The following C6orf163 variants were observed in gnomAD, a reference collection of about 807,000 sequenced individuals.
The protein encoded by C6orf163 is chromosome 6 open reading frame 163, also known as uncharacterized protein C6orf163.
In C6orf163, 22 loss-of-function variants were observed where a neutral mutation model predicts 28.4. The observed-to-expected ratio is 0.78, with a 90% confidence interval of 0.55 to 1.11. The LOEUF (loss-of-function observed/expected upper bound fraction) is 1.11, where lower values mean the gene tolerates loss of function less well. Among genes scored for constraint, C6orf163 ranks in the 50% least tolerant of loss-of-function variants. The pLI is 0.00. For missense variants in C6orf163, 342 were observed against 389.1 expected, an observed-to-expected ratio of 0.88 and a Z score of 1.02; for synonymous variants, 110 against 123.6, an observed-to-expected ratio of 0.89 and a Z score of 0.73.
intron 1 of C6orf163, among the ~76,000 whole-genome samples, chr6:87,346,566 TAAAAAA>T (rs949540475): frequency 1.8e-4 from 27 of 152,198 alleles, no homozygotes; most frequent in African/African-American, 5.8e-4. Flanking sequence ...TGTTTTAAGT[TAAAAAA>T]GAAAGAAAGT....
At chr6:87,360,225 A>C (rs934978743) in intron 4 of C6orf163, among the ~76,000 whole-genome samples, 2 of 152,112 alleles carry the variant, frequency 1.3e-5, no homozygotes, top group Admixed American at 1.3e-4. Flanking sequence ...ACTAATACCT[A>C]GTTCTTTCAC....
chr6:87,344,910 A>G lies in C6orf163; in HGVS notation c.-190A>G, dbSNP rs902237665. 6.5e-5 allele frequency: 29 copies of G among 447,740 alleles called. No individual in the cohort carries two copies. The highest frequency in any genetic ancestry group is 5.5e-4 in the African/African-American group (27 of 49,294). 27.7% of individuals were successfully genotyped at this position (447,740 alleles called of 1,614,324 possible). A position where few individuals can be genotyped will look rare whatever the true frequency, so the allele number is the denominator to read the frequency against. On this transcript the variant is annotated 5_prime_UTR_variant, in exon 1 of 5. Coordinates refer to ENST00000388923, the MANE Select transcript of C6orf163 (RefSeq NM_001010868.3). ...TTCTATGGCAGGGGCTTTTAGCACC[A>G]TTCTTTAACGTTAGACACATAACCA...
rs192134016 is a variant in C6orf163, at chr6:87,345,105, C to G, written c.6C>G (p.Ile2Met). The stretch of plus-strand genomic sequence containing the variant: ...AAGACATCTGAAATTTAACTATGAT[C>G]AGAAATTCAGATTACAAAAACTTTG... M[I>M]RNSDYKNFVC... is the part of the protein sequence containing the mutation. Residue 2 changes from isoleucine to methionine, a missense_variant, in exon 1 of 5, where the codon ATC becomes ATG. Transcript: ENST00000388923. 5.1e-5 allele frequency: 77 copies of G among 1,524,694 alleles called. 1 individual carries two copies. The Admixed American group carries it at 1.5e-3, about 31-fold the overall frequency. 94.4% of individuals were successfully genotyped at this position (1,524,694 alleles called of 1,614,324 possible). A position where few individuals can be genotyped will look rare whatever the true frequency, so the allele number is the denominator to read the frequency against.
intron 4 of C6orf163, among the ~76,000 whole-genome samples, chr6:87,361,518 C>T (rs989775168): frequency 9.2e-5 from 14 of 152,092 alleles, no homozygotes; most frequent in Non-Finnish European, 1.8e-4. Context: ...AAAGTCAGCC[C>T]CACCTGGCAG....
chr6:87,347,847 A>G, intron 1 of C6orf163: 1 of 985,512 alleles, frequency 1.0e-6, no homozygotes, highest in Non-Finnish European at 1.2e-6. Flanking sequence ...AGAATCTATT[A>G]CCTTCAGCTT....
chr6:87,345,037 C>T lies in C6orf163; in HGVS notation c.-63C>T, dbSNP rs768911773. 6.0e-5 allele frequency: 83 copies of T among 1,373,030 alleles called. No homozygotes were observed. In the African/African-American group the frequency reaches 8.4e-4, roughly 14 times the overall value. 85.1% of individuals were successfully genotyped at this position (1,373,030 alleles called of 1,614,324 possible). A position where few individuals can be genotyped will look rare whatever the true frequency, so the allele number is the denominator to read the frequency against. On this transcript the variant is annotated 5_prime_UTR_variant, in exon 1 of 5. In the 5' UTR this introduces an upstream ATG that the reference lacks. Transcript: ENST00000388923. ...CTTAAACTTTCAGCTTTTCTTGAAA[C>T]GACTTTTTCTGATTCTAAGATTATT...
At chr6:87,350,965 TCTC>T (rs575581915) in intron 3 of C6orf163, among the ~76,000 whole-genome samples, 1 of 152,184 alleles carries the variant, frequency 6.6e-6, no homozygotes, top group African/African-American at 2.4e-5. Flanking sequence ...AGCAGGCTGT[TCTC>T]CTCCTTCTCT....
intron 4 of C6orf163, chr6:87,357,332 C>T (rs967519223): frequency 6.6e-6 from 1 of 152,120 alleles, no homozygotes; most frequent in Non-Finnish European, 1.5e-5. Flanking sequence ...TTTACCTGCC[C>T]ATGATCACTG....
intron 4 of C6orf163, chr6:87,358,250 G>T (rs548842272): frequency 1.3e-5 from 2 of 152,070 alleles, no homozygotes; most frequent in African/African-American, 4.8e-5. Context: ...ACCGTTTTGT[G>T]GATTGAGGTG....
chr6:87,352,480 T>C (rs1183456370), intron 3 of C6orf163, among the ~76,000 whole-genome samples: 1 of 152,192 alleles, frequency 6.6e-6, no homozygotes, highest in Non-Finnish European at 1.5e-5. Flanking sequence ...TACTCTTACG[T>C]GATGTTAAGA....
At chr6:87,360,150 A>G (rs528680690) in intron 4 of C6orf163, among the ~76,000 whole-genome samples, 16 of 152,272 alleles carry the variant, frequency 1.1e-4, no homozygotes, top group African/African-American at 3.6e-4. Context: ...TGATCCTTCA[A>G]ATGTTTGAGG....
At chr6:87,364,877 T>C in intron 4 of C6orf163, 84 bp from the exon 5 acceptor site, 1 of 1,034,388 alleles carries the variant, frequency 9.7e-7, no homozygotes, top group Non-Finnish European at 1.4e-6. Context: ...CAACAATTGC[T>C]CATTCATCTG....
chr6:87,350,469 A>C lies in C6orf163; in HGVS notation c.319A>C (p.Ile107Leu). The C allele has an allele frequency of 6.5e-7, 1 of 1,534,382 alleles. No individual in the cohort carries two copies. The highest frequency in any genetic ancestry group is 2.4e-5 in the East Asian group (1 of 40,878). Reference protein sequence around the residue: ...ANDRHKIEIQILKEEHQKDLQ... With the variant: ...ANDRHKIEIQLLKEEHQKDLQ... The stretch of plus-strand genomic sequence containing the variant: ...TGACAGACACAAAATTGAAATTCAG[A>C]TTTTGAAAGAGGAACATCAGAAAGA... Residue 107 changes from isoleucine (I) to leucine (L), a missense_variant, in exon 3 of 5, where the codon ATT becomes CTT. Physicochemically the swap from Ile to Leu is conservative, Grantham distance 5. Transcript: ENST00000388923.
chr6:87,358,117 T>C (rs772007312), intron 4 of C6orf163: 74 of 152,344 alleles, frequency 4.9e-4, no homozygotes, highest in Middle Eastern at 3.4e-3. Flanking sequence ...CAGAAACTAA[T>C]ATATGGAGAG....
At chr6:87,356,230 A>C in intron 3 of C6orf163, 71 bp from the exon 4 acceptor site, 1 of 1,254,870 alleles carries the variant, frequency 8.0e-7, no homozygotes, top group South Asian at 1.3e-5. Flanking sequence ...CTATGGTTTA[A>C]ATAGCCTCCT....
At position 87,345,198 on chromosome 6, in the gene C6orf163, T is replaced by G. The variant is rs1227907073; in HGVS notation, c.99T>G (p.His33Gln). 1 of 1,536,766 alleles carries G rather than the reference T, an allele frequency of 6.5e-7. No individual in the cohort carries two copies. Among genetic ancestry groups the G allele is most frequent in the Non-Finnish European group, 8.7e-7 (1 of 1,146,744 alleles). The change falls in exon 1 of 5, where the codon CAT (histidine) becomes CAG (glutamine). Residue 33 changes from histidine (H) to glutamine (Q), a missense_variant. Transcript: ENST00000388923. ...APFGKTFKRI[H>Q]EYKPLKTRFY... ...TTGGAAAAACCTTCAAACGGATCCA[T>G]GAATACAAGCCACTTAAGACACGCT...
chr6:87,345,916 C>CAAA (rs3044136), intron 1 of C6orf163, among the ~76,000 whole-genome samples: 14 of 44,618 alleles, frequency 3.1e-4, no homozygotes, highest in African/African-American at 4.1e-4. Context: ...GACTCTGCCT[C>CAAA]AAAAAAAAAA....
rs114210707 is a variant in C6orf163 at position 87,361,670 on chromosome 6, C to T, written c.555-3291C>T. 5.9e-3 allele frequency among the ~76,000 whole-genome samples: 894 copies of T among 152,266 alleles called. 6 individuals carry two copies. Among genetic ancestry groups the T allele is most frequent in the African/African-American group, 0.021 (854 of 41,554 alleles). ...CAGACTAAATCCTTAGAATGTGTGT[C>T]GATGCACACTGCCCACTCTATACAC... On this transcript the variant is annotated intron_variant, in intron 4 of 4. Transcript: ENST00000388923.
At chr6:87,345,916 C>CAAAAAAAAAAA (rs3044136) in intron 1 of C6orf163, among the ~76,000 whole-genome samples, 563 of 44,454 alleles carry the variant, frequency 0.013, 44 homozygotes, top group Non-Finnish European at 0.016. Context: ...GACTCTGCCT[C>CAAAAAAAAAAA]AAAAAAAAAA....
Sources: gnomAD v4.1 joint callset for allele counts (sites outside exome capture counted in the v4.1 genomes callset) on GRCh38, gnomAD v4.1.1 for gene constraint, MANE v1.5 for transcripts, NCBI Gene and HGNC (gene_info 2026-07-23, HGNC 2026-07-21) for gene names.